Variants in L3MBTL4 observed in about 807,000 individuals in gnomAD.
L3MBTL4 encodes L3MBTL histone methyl-lysine binding protein 4.
L3MBTL4 carries 70 observed loss-of-function variants against 84.5 expected under a neutral mutation model. The observed-to-expected ratio is 0.83, with a 90% CI of 0.68 to 1.01. L3MBTL4 has a LOEUF of 1.01. L3MBTL4 is among the 50% of genes least tolerant of loss of function. L3MBTL4 has a pLI of 0.00. For missense variants in L3MBTL4, 715 were observed against 754.8 expected, an observed-to-expected ratio of 0.95 and a Z score of 0.62; for synonymous variants, 274 against 259.8, an observed-to-expected ratio of 1.05 and a Z score of -0.52.
chr18:5,970,033 C>T (rs529527179), intron 16 of L3MBTL4, among the ~76,000 whole-genome samples: 209 of 152,322 alleles, frequency 1.4e-3, no homozygotes, highest in Non-Finnish European at 2.3e-3. Context: ...GAGCCTCAGT[C>T]CACATCTGGC....
At chr18:6,168,221 G>C (rs974815420) in intron 13 of L3MBTL4, among the ~76,000 whole-genome samples, 1 of 152,102 alleles carries the variant, frequency 6.6e-6, no homozygotes, top group Non-Finnish European at 1.5e-5. Flanking sequence ...TGGGTAGGAA[G>C]AATCAATATC....
chr18:6,163,270 TGG>T (rs371267417), intron 13 of L3MBTL4, among the ~76,000 whole-genome samples: 2,662 of 52,074 alleles, frequency 0.051, 43 homozygotes, highest in South Asian at 0.12. Flanking sequence ...GGGGGGGGGG[TGG>T]GTGTGTGTGT....
At chr18:6,364,813 A>G (rs986223888) in intron 1 of L3MBTL4, among the ~76,000 whole-genome samples, 8 of 152,150 alleles carry the variant, frequency 5.3e-5, no homozygotes, top group Non-Finnish European at 8.8e-5. Flanking sequence ...AGATGTCAGT[A>G]AAGTCTTTAA....
intron 1 of L3MBTL4, among the ~76,000 whole-genome samples, chr18:6,354,653 C>A (rs749230452): frequency 6.6e-6 from 1 of 152,114 alleles, no homozygotes; most frequent in Non-Finnish European, 1.5e-5. Flanking sequence ...AGAAGACATA[C>A]AAATGGCAAA....
At chr18:6,299,820 C>G (rs1232279983) in intron 4 of L3MBTL4, among the ~76,000 whole-genome samples, 1 of 152,070 alleles carries the variant, frequency 6.6e-6, no homozygotes, top group East Asian at 1.9e-4. Context: ...CAGGTGCACA[C>G]CACCAGACCC....
intron 1 of L3MBTL4, among the ~76,000 whole-genome samples, chr18:6,390,418 A>C (rs978009752): frequency 5.9e-5 from 9 of 152,166 alleles, no homozygotes; most frequent in Non-Finnish European, 8.8e-5. Context: ...CACTTCAGGG[A>C]ACTAGAGAAC....
chr18:6,170,990 C>T lies in L3MBTL4; in HGVS notation c.1096+838G>A, dbSNP rs144663510. The stretch of plus-strand genomic sequence containing the variant: ...CTTTGATTTTGTAGTTTTTGAAGAA[C>T]CTAGCACAATGTAGAACTGTTTGTC... On this transcript the variant is annotated intron_variant, in intron 13 of 18. Transcript: ENST00000317931. 1.5e-3 allele frequency among the ~76,000 whole-genome samples: 222 copies of T among 152,316 alleles called. 1 individual carries two copies. Among genetic ancestry groups the T allele is most frequent in the African/African-American group, 5.2e-3 (216 of 41,568 alleles).
At chr18:6,337,305 A>G (rs1401365269) in intron 1 of L3MBTL4, among the ~76,000 whole-genome samples, 3 of 152,180 alleles carry the variant, frequency 2.0e-5, no homozygotes, top group Admixed American at 1.3e-4. Flanking sequence ...ACGGAAATGC[A>G]TACAAATATC....
intron 14 of L3MBTL4, among the ~76,000 whole-genome samples, chr18:6,094,561 C>T (rs568991895): frequency 6.6e-6 from 1 of 152,082 alleles, no homozygotes; most frequent in Non-Finnish European, 1.5e-5. Flanking sequence ...ACATCAATAT[C>T]GAGGCAGTTG....
chr18:6,370,563 C>T (rs2054118221), intron 1 of L3MBTL4, among the ~76,000 whole-genome samples: 1 of 152,214 alleles, frequency 6.6e-6, no homozygotes, highest in Non-Finnish European at 1.5e-5. Flanking sequence ...CATGAGGGTA[C>T]AGCAGGTCCC....
In L3MBTL4 at chr18:6,369,900, G is replaced by A. The variant is rs556281059; in HGVS notation, c.-91+44901C>T. Among the ~76,000 whole-genome samples, 103 of 152,242 alleles carry A rather than the reference G, an allele frequency of 6.8e-4. 1 individual carries two copies. In the South Asian group the frequency reaches 0.021, roughly 31 times the overall value. On this transcript the variant is annotated intron_variant, in intron 1 of 18. Transcript: ENST00000317931. Reference sequence around the variant, plus strand: ...TATAATCCTAGCACTTTGGGAGGCCGAGGCAGGTGGATCACTTGAGGTCAA... The same window carrying A: ...TATAATCCTAGCACTTTGGGAGGCCAAGGCAGGTGGATCACTTGAGGTCAA...
At position 6,093,551 on chromosome 18, in the gene L3MBTL4, C is replaced by T. The variant is rs113659209; in HGVS notation, c.1200-23G>A. The T allele has an allele frequency of 1.9e-6, 3 of 1,604,502 alleles. No individual in the cohort carries two copies. In the African/African-American group the frequency reaches 4.0e-5, roughly 22 times the overall value. Reference sequence around the variant, plus strand: ...GCACTGGTTTGTATAAAAATGAGAGCACAGTCATCAGTATACAGTGATAAA... The same window carrying T: ...GCACTGGTTTGTATAAAAATGAGAGTACAGTCATCAGTATACAGTGATAAA... On this transcript the variant is annotated intron_variant, in intron 14 of 18. Coordinates refer to ENST00000317931, the MANE Select transcript of L3MBTL4 (RefSeq NM_001330559.2).
rs113672879 is a variant in L3MBTL4, at chr18:6,066,441, T to A, written c.1444+14440A>T. 3.9e-4 allele frequency among the ~76,000 whole-genome samples: 60 copies of A among 152,252 alleles called. 2 individuals carry two copies. The highest frequency in any genetic ancestry group is 1.4e-3 in the African/African-American group (60 of 41,578). On this transcript the variant is annotated intron_variant, in intron 16 of 18. Coordinates refer to ENST00000317931, the MANE Select transcript of L3MBTL4 (RefSeq NM_001330559.2). ...CTGTCTTGATGATCTTCTAGTACTG[T>A]TGGTGAAGTATTAAAGTGCCCCACT...
chr18:6,358,678 G>C (rs144573868), intron 1 of L3MBTL4, among the ~76,000 whole-genome samples: 1,533 of 152,288 alleles, frequency 0.01, 28 homozygotes, highest in African/African-American at 0.035. Flanking sequence ...ACCAGCACAA[G>C]TTTCAGAAAG....
chr18:6,321,901 A>C (rs2051424364), intron 1 of L3MBTL4, among the ~76,000 whole-genome samples: 1 of 152,020 alleles, frequency 6.6e-6, no homozygotes, highest in African/African-American at 2.4e-5. Flanking sequence ...CAGAACGGGG[A>C]GGCTAGAAAG....
intron 1 of L3MBTL4, among the ~76,000 whole-genome samples, chr18:6,339,598 T>C (rs199883946): frequency 6.8e-6 from 1 of 147,972 alleles, no homozygotes; most frequent in African/African-American, 2.5e-5. Flanking sequence ...ATCATTTTTA[T>C]AAGAGAAAAT....
intron 12 of L3MBTL4, among the ~76,000 whole-genome samples, chr18:6,180,838 C>A (rs1470530955): frequency 6.6e-6 from 1 of 152,168 alleles, no homozygotes; most frequent in East Asian, 1.9e-4. Context: ...TGCCAATGTT[C>A]ATGGCAACAG....
intron 10 of L3MBTL4, among the ~76,000 whole-genome samples, chr18:6,226,289 C>T (rs1459098573): frequency 1.3e-5 from 2 of 152,004 alleles, no homozygotes; most frequent in Middle Eastern, 3.2e-3. Flanking sequence ...ACCTGTAATC[C>T]CAGCTACTCA....
intron 15 of L3MBTL4, chr18:6,081,173 C>A: frequency 2.5e-6 from 1 of 407,186 alleles, no homozygotes; most frequent in Non-Finnish European, 4.3e-6. Context: ...AAGGCCTTTC[C>A]CCCCTCATTC....
Sources: allele counts gnomAD v4.1 joint callset (sites outside exome capture counted in the v4.1 genomes callset), GRCh38; gene constraint gnomAD v4.1.1; transcripts MANE v1.5; gene names NCBI Gene and HGNC (gene_info 2026-07-23, HGNC 2026-07-21).